The following RIN3 variants were observed in gnomAD, a reference collection of about 807,000 sequenced individuals.
RIN3 encodes Ras and Rab interactor 3.
A neutral mutation model predicts 76.3 loss-of-function variants in RIN3; 54 were observed. The ratio of observed to expected loss-of-function variants is 0.71; its 90% CI spans 0.57 to 0.89. The LOEUF is 0.89. Among genes scored for constraint, RIN3 ranks in the 40% least tolerant of loss-of-function variants. RIN3 has a pLI of 0.00. For missense variants in RIN3, 1,256 were observed against 1,322.1 expected, an observed-to-expected ratio of 0.95 and a Z score of 0.78; for synonymous variants, 576 against 564.0, an observed-to-expected ratio of 1.02 and a Z score of -0.30.
At chr14:92,638,889 G>C (rs906717836) in intron 4 of RIN3, among the ~76,000 whole-genome samples, 2 of 152,244 alleles carry the variant, frequency 1.3e-5, no homozygotes, top group African/African-American at 4.8e-5. Context: ...GCCACAGCCT[G>C]CCCTGTCCAA....
At chr14:92,590,336 G>A (rs1884936276) in intron 3 of RIN3, among the ~76,000 whole-genome samples, 1 of 152,208 alleles carries the variant, frequency 6.6e-6, no homozygotes, top group Admixed American at 6.5e-5. Flanking sequence ...AATCCCCAAT[G>A]CTGGAGGTGG....
chr14:92,591,150 A>G (rs1595439924), intron 3 of RIN3, among the ~76,000 whole-genome samples: 1 of 152,230 alleles, frequency 6.6e-6, no homozygotes, highest in South Asian at 2.1e-4. Context: ...CCAAGAAAGA[A>G]CCAAAAAAAT....
intron 7 of RIN3, among the ~76,000 whole-genome samples, chr14:92,675,669 C>CAAGG (rs1888434809): frequency 1.3e-5 from 2 of 152,224 alleles, no homozygotes; most frequent in Non-Finnish European, 2.9e-5. Flanking sequence ...GAAGACCAGC[C>CAAGG]AAGGGCCTGC....
Position 92,629,117 on chromosome 14 carries a change from A to AAGAGAG in RIN3, c.441-12089_441-12084dup, listed in dbSNP as rs58288914. ...CCAAGGGTCCTGAGTCGGAAAGGAA[A>AAGAGAG]AGAGAGAGAGAGAGAGAGAGAGAGA... On this transcript the variant is annotated intron_variant, in intron 4 of 9. Transcript: ENST00000216487. Among the ~76,000 whole-genome samples, 162 of 145,368 alleles carry AAGAGAG rather than the reference A, an allele frequency of 1.1e-3. 1 individual carries two copies. Among genetic ancestry groups the AAGAGAG allele is most frequent in the Non-Finnish European group, 1.9e-3 (126 of 66,390 alleles).
At chr14:92,636,191 T>C (rs1886768667) in intron 4 of RIN3, among the ~76,000 whole-genome samples, 2 of 151,864 alleles carry the variant, frequency 1.3e-5, no homozygotes, top group Non-Finnish European at 2.9e-5. Flanking sequence ...AGCTCTGTAA[T>C]GGTTAGCATT....
In RIN3 at chr14:92,678,178, C is replaced by T. The variant is rs1595506198; in HGVS notation, c.2467+1572C>T. On this transcript the variant is annotated intron_variant, in intron 8 of 9. Coordinates refer to ENST00000216487, the MANE Select transcript of RIN3 (RefSeq NM_024832.5). ...TCTACCCATCCATCCATCCACCCACCCATTCACCCATCCATCCATCCATCC... is the reference window on the plus strand; with the variant it reads ...TCTACCCATCCATCCATCCACCCACTCATTCACCCATCCATCCATCCATCC... 4.0e-5 allele frequency among the ~76,000 whole-genome samples: 6 copies of T among 150,286 alleles called. No homozygotes were observed. The South Asian group carries it at 8.6e-4, about 21-fold the overall frequency.
intron 1 of RIN3, among the ~76,000 whole-genome samples, chr14:92,530,691 C>T (rs1481405168): frequency 6.6e-6 from 1 of 152,142 alleles, no homozygotes; most frequent in African/African-American, 2.4e-5. Flanking sequence ...TCCAGAGCCT[C>T]TGCCCTAGCC....
intron 4 of RIN3, among the ~76,000 whole-genome samples, chr14:92,638,356 A>T (rs1422877185): frequency 2.6e-5 from 4 of 152,106 alleles, no homozygotes; most frequent in African/African-American, 9.7e-5. Flanking sequence ...TGGGGAAGGG[A>T]CTGTGGAGGG....
At chr14:92,564,850 C>G (rs1025449426) in intron 2 of RIN3, among the ~76,000 whole-genome samples, 7 of 152,222 alleles carry the variant, frequency 4.6e-5, no homozygotes, top group Non-Finnish European at 1.0e-4. Context: ...ACAGCTGACT[C>G]AGCAAGGCCC....
chr14:92,607,006 T>C (rs1262683639), intron 3 of RIN3, among the ~76,000 whole-genome samples: 5 of 152,178 alleles, frequency 3.3e-5, no homozygotes, highest in Non-Finnish European at 4.4e-5. Flanking sequence ...CATCAACTGA[T>C]GAGTGGAAAA....
intron 1 of RIN3, among the ~76,000 whole-genome samples, chr14:92,547,029 T>G (rs1053255223): frequency 7.3e-6 from 1 of 137,300 alleles, no homozygotes; most frequent in Non-Finnish European, 1.6e-5. Context: ...ATATAATTAT[T>G]ATTTTATTTT....
At chr14:92,559,961 TG>T (rs1234216100) in intron 2 of RIN3, among the ~76,000 whole-genome samples, 2 of 152,246 alleles carry the variant, frequency 1.3e-5, no homozygotes, top group Non-Finnish European at 2.9e-5. Context: ...GATTGTTCAC[TG>T]GGACAAATGA....
chr14:92,616,185 G>A (rs778889206), intron 4 of RIN3, among the ~76,000 whole-genome samples: 10 of 152,172 alleles, frequency 6.6e-5, no homozygotes, highest in Non-Finnish European at 1.5e-4. Context: ...CCGGTGGAGG[G>A]TGTCCGGGTT....
intron 1 of RIN3, among the ~76,000 whole-genome samples, chr14:92,527,783 G>A (rs573367855): frequency 3.3e-4 from 50 of 152,204 alleles, no homozygotes; most frequent in African/African-American, 1.2e-3. Context: ...CTTTTTCTCA[G>A]CCACATGCAT....
intron 3 of RIN3, chr14:92,586,477 T>A: frequency 6.6e-6 from 1 of 152,192 alleles, no homozygotes; most frequent in Non-Finnish European, 1.5e-5. Context: ...AACACTGGAG[T>A]TGGGCCAGGA....
At chr14:92,607,510 G>GGCT (rs1451128006) in intron 3 of RIN3, among the ~76,000 whole-genome samples, 4 of 152,196 alleles carry the variant, frequency 2.6e-5, no homozygotes, top group African/African-American at 9.7e-5. Context: ...CAGGTACTCA[G>GGCT]GAGGCTGAGG....
intron 3 of RIN3, among the ~76,000 whole-genome samples, chr14:92,583,993 A>T (rs1884667371): frequency 1.3e-5 from 2 of 152,168 alleles, no homozygotes; most frequent in African/African-American, 4.8e-5. Context: ...TCGCCCTCCC[A>T]ATGCTTACCC....
chr14:92,617,485 A>G (rs555366680), intron 4 of RIN3, among the ~76,000 whole-genome samples: 228 of 152,266 alleles, frequency 1.5e-3, no homozygotes, highest in Admixed American at 2.3e-3. Context: ...TCATGGTCAC[A>G]TATTTCTTTC....
At chr14:92,664,875 C>T (rs1158323614) in intron 7 of RIN3, among the ~76,000 whole-genome samples, 2 of 152,178 alleles carry the variant, frequency 1.3e-5, no homozygotes, top group African/African-American at 4.8e-5. Flanking sequence ...TTTGTCTAAA[C>T]TTTCAGGTTG....
Sources: gnomAD v4.1 joint callset for allele counts (sites outside exome capture counted in the v4.1 genomes callset) on GRCh38, gnomAD v4.1.1 for gene constraint, MANE v1.5 for transcripts, NCBI Gene and HGNC (gene_info 2026-07-23, HGNC 2026-07-21) for gene names.